MACROD2: variants seen among roughly 807,000 people sequenced by gnomAD.
MACROD2 encodes the protein ADP-ribose glycohydrolase MACROD2.
In MACROD2, 36 loss-of-function variants were observed where a neutral mutation model predicts 70.4. The observed-to-expected ratio is 0.51, with a 90% confidence interval of 0.39 to 0.68. The LOEUF (loss-of-function observed/expected upper bound fraction) is 0.68. MACROD2 is among the 30% of genes least tolerant of loss of function. MACROD2 has a pLI of 0.00. For missense variants in MACROD2, 496 were observed against 538.4 expected (o/e 0.92, Z 0.78); for synonymous variants, 172 against 178.8 (o/e 0.96, Z 0.30).
intron 6 of MACROD2, among the ~76,000 whole-genome samples, chr20:15,315,991 A>G (rs1350646156): frequency 3.3e-5 from 5 of 152,092 alleles, no homozygotes; most frequent in Admixed American, 3.3e-4. Context: ...TCAATTCAAA[A>G]TAGATTACTG....
At chr20:14,256,974 G>A (rs1312877950) in intron 3 of MACROD2, among the ~76,000 whole-genome samples, 3 of 151,996 alleles carry the variant, frequency 2.0e-5, no homozygotes, top group Non-Finnish European at 2.9e-5. Flanking sequence ...TTCACCACTG[G>A]CAGAAGTAGA....
intron 3 of MACROD2, among the ~76,000 whole-genome samples, chr20:14,486,803 G>A (rs1411388302): frequency 6.6e-6 from 1 of 152,038 alleles, no homozygotes; most frequent in Non-Finnish European, 1.5e-5. Context: ...ATAGGTATGA[G>A]ACACCATGCC....
intron 3 of MACROD2, among the ~76,000 whole-genome samples, chr20:14,311,213 G>A (rs993170949): frequency 2.2e-4 from 33 of 152,110 alleles, no homozygotes; most frequent in Admixed American, 6.5e-4. Flanking sequence ...GTAAGTGCCC[G>A]ATACAGGTGT....
chr20:14,537,462 T>A (rs989149277), intron 4 of MACROD2, among the ~76,000 whole-genome samples: 1 of 152,154 alleles, frequency 6.6e-6, no homozygotes, highest in African/African-American at 2.4e-5. Context: ...GTTGGTGTTT[T>A]CTCTTGGGGG....
intron 3 of MACROD2, among the ~76,000 whole-genome samples, chr20:14,460,306 C>T (rs1337102481): frequency 6.6e-6 from 1 of 152,156 alleles, no homozygotes; most frequent in African/African-American, 2.4e-5. Context: ...GCCACACTGT[C>T]TTCCACAATG....
intron 5 of MACROD2, among the ~76,000 whole-genome samples, chr20:14,865,933 G>A (rs181061888): frequency 6.6e-6 from 1 of 152,078 alleles, no homozygotes; most frequent in Non-Finnish European, 1.5e-5. Flanking sequence ...TAAGGAACTG[G>A]AAGGCAGCCA....
At chr20:15,762,472 T>G (rs1373015405) in intron 8 of MACROD2, among the ~76,000 whole-genome samples, 2 of 152,218 alleles carry the variant, frequency 1.3e-5, no homozygotes, top group East Asian at 3.9e-4. Flanking sequence ...TCCCTGTTCC[T>G]ACACCCTTTG....
chr20:15,578,168 G>T (rs2048474271), intron 8 of MACROD2, among the ~76,000 whole-genome samples: 1 of 152,182 alleles, frequency 6.6e-6, no homozygotes, highest in South Asian at 2.1e-4. Flanking sequence ...TAAGTTGGGT[G>T]CATGATCACA....
intron 3 of MACROD2, among the ~76,000 whole-genome samples, chr20:14,372,567 A>G (rs2083335193): frequency 6.6e-6 from 1 of 152,150 alleles, no homozygotes; most frequent in Non-Finnish European, 1.5e-5. Context: ...TATTCTAAAT[A>G]TATTAAAGAA....
At chr20:14,319,915 C>T in intron 3 of MACROD2, among the ~76,000 whole-genome samples, 1 of 152,148 alleles carries the variant, frequency 6.6e-6, no homozygotes, top group East Asian at 1.9e-4. Flanking sequence ...TGTTAATACT[C>T]ACCTCTTAGA....
chr20:14,163,332 A>T (rs773613597), intron 3 of MACROD2, among the ~76,000 whole-genome samples: 15 of 151,932 alleles, frequency 9.9e-5, no homozygotes, highest in Non-Finnish European at 2.1e-4. Flanking sequence ...TCTGATGGGG[A>T]TTCCTTTATA....
At chr20:14,835,308 G>C (rs1600710716) in intron 5 of MACROD2, among the ~76,000 whole-genome samples, 5 of 152,122 alleles carry the variant, frequency 3.3e-5, no homozygotes, top group African/African-American at 1.2e-4. Flanking sequence ...ATTTAGAAAT[G>C]AAAGAACATG....
At chr20:14,444,511 A>G (rs1008553188) in intron 3 of MACROD2, among the ~76,000 whole-genome samples, 1 of 151,920 alleles carries the variant, frequency 6.6e-6, no homozygotes, top group Non-Finnish European at 1.5e-5. Flanking sequence ...AACCCGTGGA[A>G]CACTCTTTAG....
Position 15,651,394 on chromosome 20 carries a change from A to G in MACROD2, c.645+151547A>G, listed in dbSNP as rs146254147. Among the ~76,000 whole-genome samples the G allele has an allele frequency of 2.8e-3, 428 of 152,306 alleles. 2 individuals are homozygous for G. Among genetic ancestry groups the G allele is most frequent in the African/African-American group, 9.9e-3 (411 of 41,574 alleles). On this transcript the variant is annotated intron_variant, in intron 8 of 17. Transcript: ENST00000684519. ...ATCCAGCATCTATAATTAATCGGGA[A>G]TGAGAGTAGATGCTAGCCAACATAT...
chr20:14,833,016 G>A (rs2072989236), intron 5 of MACROD2, among the ~76,000 whole-genome samples: 1 of 152,158 alleles, frequency 6.6e-6, no homozygotes, highest in South Asian at 2.1e-4. Flanking sequence ...AACATTGTGT[G>A]TCCACACTGT....
chr20:14,365,244 A>G (rs1173635698), intron 3 of MACROD2, among the ~76,000 whole-genome samples: 1 of 152,048 alleles, frequency 6.6e-6, no homozygotes. Context: ...ACATTATTCA[A>G]TTTGTTGGTA....
At chr20:15,068,537 CT>C (rs2075595186) in intron 5 of MACROD2, among the ~76,000 whole-genome samples, 3 of 152,038 alleles carry the variant, frequency 2.0e-5, no homozygotes, top group African/African-American at 7.2e-5. Context: ...GTTTGGTGCC[CT>C]CCTCATAGTG....
intron 7 of MACROD2, among the ~76,000 whole-genome samples, chr20:15,477,812 G>A (rs1026797290): frequency 6.6e-6 from 1 of 152,150 alleles, no homozygotes; most frequent in African/African-American, 2.4e-5. Flanking sequence ...ATCCACATGG[G>A]CCCAATGTGA....
At chr20:15,274,627 G>T (rs755165868) in intron 6 of MACROD2, among the ~76,000 whole-genome samples, 1 of 152,244 alleles carries the variant, frequency 6.6e-6, no homozygotes, top group Non-Finnish European at 1.5e-5. Context: ...AAGCAGAAGT[G>T]ATTGAGTTTC....
Sources: allele counts gnomAD v4.1 joint callset (sites outside exome capture counted in the v4.1 genomes callset), GRCh38; gene constraint gnomAD v4.1.1; transcripts MANE v1.5; gene names NCBI Gene and HGNC (gene_info 2026-07-23, HGNC 2026-07-21).